The following BLTP1 variants were observed in gnomAD, a reference collection of about 807,000 sequenced individuals.
The protein encoded by BLTP1 is bridge-like lipid transfer protein family member 1.
the BLTP1 span, chr4:122,286,608 C>T: frequency 6.2e-7 from 1 of 1,614,040 alleles, no homozygotes; most frequent in South Asian, 1.1e-5. Flanking sequence ...AAGTTTCTGC[C>T]ACAGATATGT....
chr4:122,257,531 A>C, the BLTP1 span: 1 of 1,591,852 alleles, frequency 6.3e-7, no homozygotes, highest in Non-Finnish European at 8.6e-7. Context: ...ACTTTCTTAC[A>C]CCTCACAAAA....
At chr4:122,308,723 A>G in the BLTP1 span, among the ~76,000 whole-genome samples, 1 of 152,146 alleles carries the variant, frequency 6.6e-6, no homozygotes, top group African/African-American at 2.4e-5. Context: ...AGAAAAGGCT[A>G]TGAACACCTG....
chr4:122,267,373 AAT>A, the BLTP1 span, among the ~76,000 whole-genome samples: 1 of 152,222 alleles, frequency 6.6e-6, no homozygotes, highest in African/African-American at 2.4e-5. Flanking sequence ...AAGTAATTTT[AAT>A]ATGTTAATCA....
chr4:122,330,524 G>T, the BLTP1 span, among the ~76,000 whole-genome samples: 635 of 151,926 alleles, frequency 4.2e-3, no homozygotes, highest in Non-Finnish European at 7.5e-3. Flanking sequence ...TGATTCTTTG[G>T]AGAAATGTGT....
At chr4:122,349,532 C>A in the BLTP1 span, 2 of 1,612,166 alleles carry the variant, frequency 1.2e-6, no homozygotes, top group Non-Finnish European at 1.7e-6. This position sits in a 1 kb window ranked among gnomAD's most constrained non-coding sequence, Gnocchi z 4.5. Flanking sequence ...GTGTTGATTA[C>A]ATGGGCTCAA....
At chr4:122,287,519 C>CT in the BLTP1 span, 1 of 964,942 alleles carries the variant, frequency 1.0e-6, no homozygotes, top group East Asian at 1.2e-4. Flanking sequence ...AGTGGTCTGC[C>CT]TTCAGACACA....
At chr4:122,264,518 C>A in the BLTP1 span, 1 of 1,230,740 alleles carries the variant, frequency 8.1e-7, no homozygotes, top group Non-Finnish European at 1.1e-6. Context: ...CCTTGGAATT[C>A]TAGTGAGGCT....
chr4:122,265,389 T>A, the BLTP1 span, among the ~76,000 whole-genome samples: 1 of 152,248 alleles, frequency 6.6e-6, no homozygotes, highest in South Asian at 2.1e-4. Context: ...ATTGTTATAT[T>A]TTATTGGTTT....
the BLTP1 span, chr4:122,348,543 T>C: frequency 5.1e-6 from 8 of 1,559,038 alleles, no homozygotes; most frequent in South Asian, 9.8e-5. Context: ...TGAATGAACA[T>C]GTATTTGATT....
At chr4:122,257,472 G>C in the BLTP1 span, 1 of 1,613,932 alleles carries the variant, frequency 6.2e-7, no homozygotes, top group East Asian at 2.2e-5. Flanking sequence ...AGTGCTGATG[G>C]AGCAGAATTT....
At chr4:122,265,396 G>C in the BLTP1 span, among the ~76,000 whole-genome samples, 4,606 of 151,894 alleles carry the variant, frequency 0.03, 86 homozygotes, top group Middle Eastern at 0.058. Flanking sequence ...TATTTTATTG[G>C]TTTTTACTCC....
At chr4:122,277,686 T>A in the BLTP1 span, 6 of 981,250 alleles carry the variant, frequency 6.1e-6, no homozygotes, top group Non-Finnish European at 7.3e-6. Context: ...TACCACTCAC[T>A]GAAAATGAAA....
chr4:122,200,588 A>C, the BLTP1 span: 1,576 of 972,954 alleles, frequency 1.6e-3, 10 homozygotes, highest in African/African-American at 0.025. Context: ...CAAAACAAAA[A>C]AAAAAAAAAA....
the BLTP1 span, chr4:122,210,959 C>T: frequency 6.2e-7 from 1 of 1,612,898 alleles, no homozygotes; most frequent in African/African-American, 1.3e-5. Context: ...GTTGTTTCTT[C>T]TCCCTCTACT....
At chr4:122,347,342 T>C in the BLTP1 span, 1 of 851,070 alleles carries the variant, frequency 1.2e-6, no homozygotes, top group East Asian at 1.2e-4. Flanking sequence ...TTTCATGGAG[T>C]TTAAACAAAA....
the BLTP1 span, chr4:122,225,928 C>T: frequency 6.6e-6 from 1 of 152,264 alleles, no homozygotes; most frequent in Admixed American, 6.5e-5. Flanking sequence ...TATTCCAAGG[C>T]CTGCTAGAAT....
At chr4:122,235,139 A>C in the BLTP1 span, 2 of 981,646 alleles carry the variant, frequency 2.0e-6, no homozygotes, top group Admixed American at 4.8e-5. Context: ...TGATGTTATG[A>C]GTAGGGTTTA....
the BLTP1 span, among the ~76,000 whole-genome samples, chr4:122,172,597 G>A: frequency 6.6e-6 from 1 of 152,048 alleles, no homozygotes; most frequent in South Asian, 2.1e-4. Flanking sequence ...AAAAGCAGAA[G>A]GTTTTTCTTT....
At chr4:122,180,089 A>G in the BLTP1 span, 1 of 984,924 alleles carries the variant, frequency 1.0e-6, no homozygotes, top group Non-Finnish European at 1.2e-6. Context: ...CTTTAAAAAA[A>G]CCTAATATGT....
Sources: allele counts gnomAD v4.1 joint callset (sites outside exome capture counted in the v4.1 genomes callset), GRCh38; gene constraint gnomAD v4.1.1; non-coding constraint Gnocchi (gnomAD v3.1); transcripts MANE v1.5; gene names NCBI Gene and HGNC (gene_info 2026-07-23, HGNC 2026-07-21).